PGCKA1: variants seen among roughly 807,000 people sequenced by gnomAD.
PGCKA1 encodes PDCD10 and GCKIII kinases-associated protein 1.
the PGCKA1 span, among the ~76,000 whole-genome samples, chr4:37,454,250 A>G: frequency 6.6e-6 from 1 of 152,138 alleles, no homozygotes; most frequent in African/African-American, 2.4e-5. Context: ...AAGGGGCTCT[A>G]AAAGGGGCAA....
the PGCKA1 span, among the ~76,000 whole-genome samples, chr4:37,563,463 T>TCC: frequency 0.49 from 74,149 of 151,342 alleles, 18,634 homozygotes; most frequent in East Asian, 0.67. Context: ...CAGGAGGGAG[T>TCC]GCTCTCTCTC....
chr4:37,538,475 C>T, the PGCKA1 span, among the ~76,000 whole-genome samples: 1 of 152,206 alleles, frequency 6.6e-6, no homozygotes, highest in Non-Finnish European at 1.5e-5. Context: ...AAAAGAGACA[C>T]ACCTTGCCAT....
At chr4:37,482,068 A>C in the PGCKA1 span, among the ~76,000 whole-genome samples, 1 of 152,160 alleles carries the variant, frequency 6.6e-6, no homozygotes, top group Non-Finnish European at 1.5e-5. Context: ...AGTCCATTAA[A>C]TCTCTTTCTC....
chr4:37,507,554 C>T, the PGCKA1 span, among the ~76,000 whole-genome samples: 2 of 151,994 alleles, frequency 1.3e-5, no homozygotes, highest in Non-Finnish European at 2.9e-5. Context: ...AGAAAAGTAA[C>T]CCTAACTCTA....
the PGCKA1 span, among the ~76,000 whole-genome samples, chr4:37,572,058 T>C: frequency 4.2e-4 from 50 of 118,146 alleles, no homozygotes; most frequent in Admixed American, 1.6e-3. Flanking sequence ...CTTTTTTTTT[T>C]TTTTCTTTTT....
chr4:37,554,213 T>G, the PGCKA1 span, among the ~76,000 whole-genome samples: 7 of 152,332 alleles, frequency 4.6e-5, no homozygotes, highest in East Asian at 1.3e-3. Flanking sequence ...CCGCCATGAT[T>G]GTGAGGCCTC....
chr4:37,583,530 A>C, the PGCKA1 span, among the ~76,000 whole-genome samples: 1 of 150,778 alleles, frequency 6.6e-6, no homozygotes, highest in Admixed American at 6.7e-5. Context: ...TCCGCCTCCC[A>C]GGTTCACGCC....
the PGCKA1 span, among the ~76,000 whole-genome samples, chr4:37,482,327 T>C: frequency 6.6e-6 from 1 of 152,162 alleles, no homozygotes; most frequent in Non-Finnish European, 1.5e-5. Flanking sequence ...GTTAATGATA[T>C]GGATAATAAA....
the PGCKA1 span, among the ~76,000 whole-genome samples, chr4:37,593,324 G>A: frequency 0.64 from 97,768 of 151,966 alleles, 33,116 homozygotes; most frequent in Non-Finnish European, 0.75. Flanking sequence ...TGTATCACTG[G>A]CCCGTGTATC....
At chr4:37,463,959 G>A in the PGCKA1 span, among the ~76,000 whole-genome samples, 107 of 152,238 alleles carry the variant, frequency 7.0e-4, no homozygotes, top group South Asian at 0.014. Flanking sequence ...GGAGCACATC[G>A]CAGGTCCCCT....
chr4:37,569,979 C>CTTTTTTTTTTTTTT, the PGCKA1 span, among the ~76,000 whole-genome samples: 1 of 119,280 alleles, frequency 8.4e-6, no homozygotes, highest in Non-Finnish European at 1.6e-5. Flanking sequence ...GCATATAATC[C>CTTTTTTTTTTTTTT]TTTTTTTTTT....
At chr4:37,459,659 C>G in the PGCKA1 span, among the ~76,000 whole-genome samples, 1 of 152,144 alleles carries the variant, frequency 6.6e-6, no homozygotes, top group African/African-American at 2.4e-5. Context: ...CACCTCCAGT[C>G]TACTGAATCA....
the PGCKA1 span, among the ~76,000 whole-genome samples, chr4:37,501,549 G>C: frequency 6.6e-6 from 1 of 152,204 alleles, no homozygotes; most frequent in East Asian, 1.9e-4. Flanking sequence ...GGGTTTTATA[G>C]TGTCACTGGT....
At chr4:37,515,205 T>C in the PGCKA1 span, among the ~76,000 whole-genome samples, 1 of 152,132 alleles carries the variant, frequency 6.6e-6, no homozygotes, top group East Asian at 1.9e-4. Context: ...TATAAAGATA[T>C]AAGAAGACAG....
chr4:37,566,691 C>A, the PGCKA1 span, among the ~76,000 whole-genome samples: 3 of 152,212 alleles, frequency 2.0e-5, no homozygotes, highest in African/African-American at 7.2e-5. Context: ...TCAAGTGATT[C>A]TCCTGCCTCA....
chr4:37,497,268 C>G, the PGCKA1 span, among the ~76,000 whole-genome samples: 309 of 152,238 alleles, frequency 2.0e-3, 1 homozygote, highest in Middle Eastern at 0.01. Context: ...TTAATTTATT[C>G]CTTTTTATGG....
chr4:37,569,066 C>T, the PGCKA1 span, among the ~76,000 whole-genome samples: 1 of 151,518 alleles, frequency 6.6e-6, no homozygotes, highest in South Asian at 2.1e-4. Context: ...CACTGTGCTC[C>T]AGCCTGGGTG....
At chr4:37,583,003 A>G in the PGCKA1 span, among the ~76,000 whole-genome samples, 1 of 152,182 alleles carries the variant, frequency 6.6e-6, no homozygotes, top group Admixed American at 6.5e-5. Context: ...TATGTTTGTT[A>G]GCTGGTTTCC....
the PGCKA1 span, among the ~76,000 whole-genome samples, chr4:37,478,903 C>T: frequency 6.6e-6 from 1 of 152,240 alleles, no homozygotes; most frequent in African/African-American, 2.4e-5. Context: ...TCATCCCCCA[C>T]AGTACCTTAA....
Sources: allele counts gnomAD v4.1 joint callset (sites outside exome capture counted in the v4.1 genomes callset), GRCh38; gene constraint gnomAD v4.1.1; transcripts MANE v1.5; gene names NCBI Gene and HGNC (gene_info 2026-07-23, HGNC 2026-07-21).